Variants in CELF5 observed in about 807,000 individuals in gnomAD.
CELF5 encodes CUG-BP and ETR-3 like factor 5.
In CELF5, 6 loss-of-function variants were observed where a neutral mutation model predicts 54.9. The observed-to-expected ratio is 0.11, with a 90% CI of 0.06 to 0.22. The LOEUF (loss-of-function observed/expected upper bound fraction) is 0.22. CELF5 is among the 10% of genes least tolerant of loss of function. The pLI, the probability that CELF5 is intolerant of heterozygous loss-of-function variation, is 1.00. For missense variants in CELF5, 401 were observed against 678.6 expected (o/e 0.59, Z 4.54); for synonymous variants, 271 against 290.9 (o/e 0.93, Z 0.70).
chr19:3,263,303 C>T (rs998817465), intron 2 of CELF5, among the ~76,000 whole-genome samples: 7 of 150,330 alleles, frequency 4.7e-5, no homozygotes, highest in Non-Finnish European at 1.0e-4. Context: ...TGGCTCATGC[C>T]TGTAATCCCA....
chr19:3,266,422 A>G (rs1309117440), intron 2 of CELF5, among the ~76,000 whole-genome samples: 1 of 151,690 alleles, frequency 6.6e-6, no homozygotes, highest in Admixed American at 6.6e-5. Flanking sequence ...GACCCAGTAC[A>G]AACAAAAAAA....
chr19:3,282,503 A>G lies in CELF5; in HGVS notation c.1039+5A>G, dbSNP rs1304455768. The G allele has an allele frequency of 5.0e-6, 8 of 1,609,918 alleles. No individual in the cohort carries two copies. Among genetic ancestry groups the G allele is most frequent in the Non-Finnish European group, 5.9e-6 (7 of 1,178,200 alleles). The stretch of plus-strand genomic sequence containing the variant: ...ATGGCCTTGTGCCCTACCCAGGTAA[A>G]TTGGGGTCGTCCTCTGGGGCCTAGG... On this transcript the variant is annotated splice_donor_5th_base_variant and intron_variant, in intron 8 of 12. Transcript: ENST00000292672. The surrounding 1 kb of genome is among the most constrained non-coding windows in gnomAD (Gnocchi z 5.2).
At chr19:3,231,660 G>A (rs1299278102) in intron 1 of CELF5, among the ~76,000 whole-genome samples, 4 of 144,728 alleles carry the variant, frequency 2.8e-5, no homozygotes, top group African/African-American at 1.0e-4. Context: ...GGATGGATTG[G>A]TGGGTGAATG....
In CELF5 at chr19:3,268,035, GTC is replaced by G. The variant is rs2079907112; in HGVS notation, c.343-5836_343-5835del. Among the ~76,000 whole-genome samples the G allele has an allele frequency of 6.6e-6, 1 of 152,090 alleles. No homozygotes were observed. The highest frequency in any genetic ancestry group is 2.4e-5 in the African/African-American group (1 of 41,406). The stretch of plus-strand genomic sequence containing the variant: ...CTTTTTTGAGATGGAGTCTCGCTCT[GTC>G]GCCCAGGCTGGAGTGCAGTGATTTG... On this transcript the variant is annotated intron_variant, in intron 2 of 12. Coordinates refer to ENST00000292672, the MANE Select transcript of CELF5 (RefSeq NM_021938.4). The surrounding 1 kb of genome is among the most constrained non-coding windows in gnomAD (Gnocchi z 4.4).
intron 1 of CELF5, among the ~76,000 whole-genome samples, chr19:3,250,273 G>A (rs905079789): frequency 1.3e-5 from 2 of 152,212 alleles, no homozygotes; most frequent in African/African-American, 4.8e-5. Flanking sequence ...CAGATCACGA[G>A]GTCAGGAGAT....
intron 12 of CELF5, chr19:3,294,552 A>G (rs2080403909): frequency 6.6e-6 from 1 of 152,138 alleles, no homozygotes; most frequent in Non-Finnish European, 1.5e-5. Context: ...ATTTACCTGC[A>G]CAGAACGCAC....
Position 3,268,377 on chromosome 19 carries a change from C to G in CELF5, c.343-5495C>G, listed in dbSNP as rs1417230896. ...CTGAACGCAGAACCCGAGCTCGGCA[C>G]ACAGGCACAGAATAAATGAATGAAT... On this transcript the variant is annotated intron_variant, in intron 2 of 12. Transcript: ENST00000292672. This position sits in a 1 kb window ranked among gnomAD's most constrained non-coding sequence, Gnocchi z 4.4. Among the ~76,000 whole-genome samples, 1 of 152,092 alleles carries G rather than the reference C, an allele frequency of 6.6e-6. No individual in the cohort carries two copies. The highest frequency in any genetic ancestry group is 1.5e-5 in the Non-Finnish European group (1 of 68,008).
rs183324533 is a variant in CELF5, at chr19:3,237,528, G to A, written c.259+12530G>A. On this transcript the variant is annotated intron_variant, in intron 1 of 12. Transcript: ENST00000292672. Reference sequence around the variant, plus strand: ...GATAATTTGCAGACGTTGCCATGGCGTTTGTAAACTGTCGTGGCGCGGGTG... The same window carrying A: ...GATAATTTGCAGACGTTGCCATGGCATTTGTAAACTGTCGTGGCGCGGGTG... Among the ~76,000 whole-genome samples, 37 of 152,174 alleles carry A rather than the reference G, an allele frequency of 2.4e-4. 1 individual carries two copies. The highest frequency in any genetic ancestry group is 8.2e-4 in the African/African-American group (34 of 41,506).
In CELF5 at chr19:3,273,586, G is replaced by A. The variant is rs78495031; in HGVS notation, c.343-286G>A. Among the ~76,000 whole-genome samples the A allele has an allele frequency of 3.6e-3, 542 of 152,304 alleles. 3 individuals are homozygous for A. The highest frequency in any genetic ancestry group is 0.012 in the African/African-American group (490 of 41,566). ...ATGGTAGGAACTGCAAAGTCACATC[G>A]CATAAAGGGACTGGAGGAATTGGGC... On this transcript the variant is annotated intron_variant, in intron 2 of 12. Coordinates refer to ENST00000292672, the MANE Select transcript of CELF5 (RefSeq NM_021938.4).
chr19:3,270,460 G>GGT (rs1362019831), intron 2 of CELF5, among the ~76,000 whole-genome samples: 1 of 151,552 alleles, frequency 6.6e-6, no homozygotes, highest in Non-Finnish European at 1.5e-5. Flanking sequence ...GGAGGGGTGG[G>GGT]GTGTGGGGAG....
At chr19:3,226,325 G>T (rs76449575) in intron 1 of CELF5, among the ~76,000 whole-genome samples, 12,256 of 152,036 alleles carry the variant, frequency 0.081, 1,183 homozygotes, top group East Asian at 0.44. Context: ...AGGCCCTAGG[G>T]AGGGTCTGGT....
At chr19:3,288,990 T>C (rs2080297998) in intron 10 of CELF5, among the ~76,000 whole-genome samples, 2 of 152,332 alleles carry the variant, frequency 1.3e-5, no homozygotes, top group Non-Finnish European at 1.5e-5. Flanking sequence ...TTAAAGGCTA[T>C]TGTTATTTAT....
At chr19:3,255,645 C>T (rs10415057) in intron 2 of CELF5, among the ~76,000 whole-genome samples, 29,530 of 151,986 alleles carry the variant, frequency 0.19, 3,310 homozygotes, top group East Asian at 0.54. Flanking sequence ...TGAGTTCAAA[C>T]CTTAGCTTCC....
At chr19:3,261,997 G>A (rs17696630) in intron 2 of CELF5, among the ~76,000 whole-genome samples, 16,487 of 151,922 alleles carry the variant, frequency 0.11, 918 homozygotes, top group Non-Finnish European at 0.11. Flanking sequence ...GAATTGGGAC[G>A]AGTGTACTCA....
In CELF5 at chr19:3,263,647, G is replaced by A. The variant is rs563537746; in HGVS notation, c.343-10225G>A. 1.7e-3 allele frequency among the ~76,000 whole-genome samples: 259 copies of A among 152,288 alleles called. 1 individual carries two copies. Among genetic ancestry groups the A allele is most frequent in the Non-Finnish European group, 7.9e-4 (54 of 68,030 alleles). On this transcript the variant is annotated intron_variant, in intron 2 of 12. Transcript: ENST00000292672. ...CGGCCGGGCACGGTGGCTCACGCCT[G>A]TAATCCCCGCACTTTGGGAGGCTGA...
At chr19:3,265,917 T>C (rs1019348316) in intron 2 of CELF5, among the ~76,000 whole-genome samples, 26 of 152,032 alleles carry the variant, frequency 1.7e-4, no homozygotes, top group African/African-American at 6.3e-4. Context: ...AGTGATTCTC[T>C]TGCCTCAGCC....
intron 2 of CELF5, among the ~76,000 whole-genome samples, chr19:3,258,648 G>C (rs777921151): frequency 6.6e-6 from 1 of 152,060 alleles, no homozygotes; most frequent in Non-Finnish European, 1.5e-5. Flanking sequence ...GTCTTGCTCT[G>C]TCGCCCAGGC....
In CELF5 at chr19:3,284,828, G is replaced by A. The variant is rs2080207937; in HGVS notation, c.1040-74G>A. 8 of 1,307,312 alleles carry A rather than the reference G, an allele frequency of 6.1e-6. No individual in the cohort carries two copies. The Admixed American group carries it at 1.2e-4, about 20-fold the overall frequency. The allele number at this position is 1,307,312 out of a possible 1,614,324, so 81.0% of individuals were successfully genotyped here. ...GCGGGGTGTTTGTTGCTGTCCTTGC[G>A]GCTCTTAAGGATCGGGGGTGGATGG... On this transcript the variant is annotated intron_variant, in intron 8 of 12. Transcript: ENST00000292672.
intron 10 of CELF5, 131 bp downstream of exon 10, chr19:3,286,156 C>A: frequency 1.4e-6 from 1 of 728,304 alleles, no homozygotes; most frequent in Non-Finnish European, 2.1e-6. Context: ...GCTGGACAGG[C>A]CAGAGTTGAG....
Sources: allele counts gnomAD v4.1 joint callset (sites outside exome capture counted in the v4.1 genomes callset), GRCh38; gene constraint gnomAD v4.1.1; non-coding constraint Gnocchi (gnomAD v3.1); transcripts MANE v1.5; gene names NCBI Gene and HGNC (gene_info 2026-07-23, HGNC 2026-07-21).